Variants in TMEM230 observed in about 807,000 individuals in gnomAD.
The protein encoded by TMEM230 is transmembrane protein 230, also known as UPF0414 transmembrane protein C20orf30.
A neutral mutation model predicts 15.8 loss-of-function variants in TMEM230; 10 were observed. The observed-to-expected ratio is 0.63, with a 90% CI of 0.39 to 1.07. The LOEUF is 1.07. TMEM230 is among the 50% of genes least tolerant of loss of function. The pLI is 0.01. For missense variants in TMEM230, 165 were observed against 193.3 expected (o/e 0.85, Z 0.87); for synonymous variants, 67 against 76.9 (o/e 0.87, Z 0.68).
At chr20:5,108,368 G>A (rs1237722789) in intron 3 of TMEM230, among the ~76,000 whole-genome samples, 2 of 148,834 alleles carry the variant, frequency 1.3e-5, no homozygotes, top group Non-Finnish European at 3.0e-5. Flanking sequence ...GCAGTGAGCC[G>A]AGGTTGTGCC....
At chr20:5,075,804 T>C (rs1361808629) in intron 3 of TMEM230, among the ~76,000 whole-genome samples, 3 of 152,094 alleles carry the variant, frequency 2.0e-5, no homozygotes, top group Non-Finnish European at 4.4e-5. Flanking sequence ...TATGAAATCA[T>C]GTTTTGCAAT....
intron 3 of TMEM230, among the ~76,000 whole-genome samples, chr20:5,089,991 G>A (rs1001612144): frequency 6.6e-6 from 1 of 152,084 alleles, no homozygotes; most frequent in African/African-American, 2.4e-5. Context: ...ACTCCTCCCT[G>A]GGTGGCAGAA....
At chr20:5,071,623 CAA>C (rs1420855948) in intron 3 of TMEM230, among the ~76,000 whole-genome samples, 1 of 26,562 alleles carries the variant, frequency 3.8e-5, no homozygotes, top group African/African-American at 1.4e-4. Context: ...AACTCCGTCT[CAA>C]AAAAAAAAAA....
chr20:5,078,312 G>A (rs2089066942), intron 3 of TMEM230, among the ~76,000 whole-genome samples: 1 of 152,182 alleles, frequency 6.6e-6, no homozygotes, highest in South Asian at 2.1e-4. Context: ...CAAGTTACAA[G>A]TTATGTAGCC....
chr20:5,062,930 C>A, the TMEM230 span, among the ~76,000 whole-genome samples: 1 of 152,030 alleles, frequency 6.6e-6, no homozygotes, highest in Non-Finnish European at 1.5e-5. Context: ...CTTTGAAGCA[C>A]ATAAAGAGAA....
At chr20:5,101,592 G>A (rs2089866575) in intron 4 of TMEM230, among the ~76,000 whole-genome samples, 1 of 151,902 alleles carries the variant, frequency 6.6e-6, no homozygotes, top group South Asian at 2.1e-4. Context: ...GGCTCATTTT[G>A]TACATTTGTT....
At chr20:5,062,427 C>T in the TMEM230 span, among the ~76,000 whole-genome samples, 5 of 150,860 alleles carry the variant, frequency 3.3e-5, no homozygotes. Flanking sequence ...GACCTGGATG[C>T]CCATGGTAAA....
At chr20:5,089,684 G>C (rs1396875106) in intron 3 of TMEM230, among the ~76,000 whole-genome samples, 1 of 152,000 alleles carries the variant, frequency 6.6e-6, no homozygotes, top group African/African-American at 2.4e-5. Flanking sequence ...CTGGGCAACA[G>C]AGTGAGACTC....
chr20:5,069,338 G>A (rs748033197), exon 4 of TMEM230: 1 of 1,533,588 alleles, frequency 6.5e-7, no homozygotes, highest in Non-Finnish European at 8.7e-7. Context: ...CCCGTGAGGT[G>A]GATTCGAGAC....
chr20:5,109,736 C>A (rs1162601844), intron 2 of TMEM230, among the ~76,000 whole-genome samples: 2 of 152,172 alleles, frequency 1.3e-5, no homozygotes, highest in Admixed American at 6.5e-5. Flanking sequence ...GAATCACATT[C>A]CAGTTTATTT....
downstream of TMEM230, among the ~76,000 whole-genome samples, chr20:5,097,348 G>C (rs2089691517): frequency 6.6e-6 from 1 of 152,214 alleles, no homozygotes; most frequent in Non-Finnish European, 1.5e-5. Context: ...CAGAACAGCT[G>C]AAGCAACTGG....
chr20:5,081,212 G>A (rs1320072540), intron 3 of TMEM230, among the ~76,000 whole-genome samples: 2 of 152,238 alleles, frequency 1.3e-5, no homozygotes, highest in Non-Finnish European at 2.9e-5. Context: ...AATCTGAGAT[G>A]TGTCCCTGCA....
chr20:5,094,943 TCTC>T (rs1379374216), downstream of TMEM230, among the ~76,000 whole-genome samples: 2 of 151,978 alleles, frequency 1.3e-5, no homozygotes, highest in Admixed American at 1.3e-4. Flanking sequence ...ATGTAAGTCA[TCTC>T]CTCACAACTA....
intron 1 of TMEM230, among the ~76,000 whole-genome samples, chr20:5,112,134 G>A (rs2090351563): frequency 6.6e-6 from 1 of 152,186 alleles, no homozygotes; most frequent in Non-Finnish European, 1.5e-5. Flanking sequence ...GTGAGCCAGC[G>A]CGCCCGGCCT....
intron 3 of TMEM230, among the ~76,000 whole-genome samples, chr20:5,089,734 G>C (rs2089454529): frequency 6.6e-6 from 1 of 150,988 alleles, no homozygotes; most frequent in South Asian, 2.1e-4. Context: ...AAACAGTAGT[G>C]GAAAGTATAA....
chr20:5,077,829 A>G (rs2089051152), intron 3 of TMEM230, among the ~76,000 whole-genome samples: 1 of 150,536 alleles, frequency 6.6e-6, no homozygotes, highest in African/African-American at 2.5e-5. Flanking sequence ...GCAAGACTCA[A>G]CTAAAAAAAA....
rs2090391481 is a variant in TMEM230, at chr20:5,113,004, C to T, written c.25G>A (p.Val9Met). The change falls in exon 1 of 5, where the codon GTG (valine) becomes ATG (methionine). Residue 9 changes from valine (V) to methionine (M), a missense_variant. In the 5' UTR this introduces an upstream ATG that the reference lacks. Transcript: ENST00000342308. ...CGCCCGCACACCCAGAGCTCGCCCA[C>T]GGTTGGCAGCGCCCAAGGTTGCATG... is the stretch of plus-strand genomic sequence containing the variant. 3 of 1,550,044 alleles carry T rather than the reference C, an allele frequency of 1.9e-6. No homozygotes were observed. The highest frequency in any genetic ancestry group is 1.4e-5 in the African/African-American group (1 of 73,212).
In TMEM230 at chr20:5,109,323, T is replaced by C; in HGVS notation, c.288+9A>G. On this transcript the variant is annotated intron_variant, in intron 3 of 4. Transcript: ENST00000342308. ...CCAGTCAGTCTTGTCAGTTCTCTTC[T>C]GCATTTACCTGAAGGTCAATGTAGC... 3 of 1,605,170 alleles carry C rather than the reference T, an allele frequency of 1.9e-6. No homozygotes were observed. The highest frequency in any genetic ancestry group is 1.7e-5 in the Admixed American group (1 of 59,534).
At chr20:5,068,892 G>T (rs1046768846) in exon 4 of TMEM230, 5 of 305,514 alleles carry the variant, frequency 1.6e-5, no homozygotes, top group Admixed American at 4.8e-5. Flanking sequence ...ACCAAGGATG[G>T]TATGAAGGGG....
Sources: gnomAD v4.1 joint callset for allele counts (sites outside exome capture counted in the v4.1 genomes callset) on GRCh38, gnomAD v4.1.1 for gene constraint, MANE v1.5 for transcripts, NCBI Gene and HGNC (gene_info 2026-07-23, HGNC 2026-07-21) for gene names.